Variants in FAM53B observed in about 807,000 individuals in gnomAD.
FAM53B encodes the protein family with sequence similarity 53 member B.
Under a neutral mutation model 32.7 loss-of-function variants are expected in FAM53B, and 12 were observed. That is an observed-to-expected ratio of 0.37 (90% CI 0.24 to 0.59). The LOEUF (loss-of-function observed/expected upper bound fraction) is 0.59, where lower values mean the gene tolerates loss of function less well. Ranked by LOEUF, FAM53B falls within the 20% of genes least tolerant of loss-of-function variation. The probability of loss-of-function intolerance (pLI) is 0.72; values close to 1 mark genes in which losing one functional copy is unlikely to be tolerated. For synonymous variants in FAM53B, 234 were observed against 228.7 expected, an observed-to-expected ratio of 1.02 and a Z score of -0.21; for missense variants, 477 against 577.7, an observed-to-expected ratio of 0.83 and a Z score of 1.79.
At chr10:124,688,376 C>T (rs956889143) in intron 3 of FAM53B, among the ~76,000 whole-genome samples, 3 of 152,202 alleles carry the variant, frequency 2.0e-5, no homozygotes, top group East Asian at 1.9e-4. Flanking sequence ...AGCTTCTCCA[C>T]GTCCCCACTG....
chr10:124,644,738 C>T (rs939630955), intron 4 of FAM53B, among the ~76,000 whole-genome samples: 1 of 152,070 alleles, frequency 6.6e-6, no homozygotes, highest in African/African-American at 2.4e-5. Context: ...CAGATGGGTC[C>T]TGGGGGTGGC....
At chr10:124,688,230 C>T (rs529992091) in intron 3 of FAM53B, among the ~76,000 whole-genome samples, 152 of 152,262 alleles carry the variant, frequency 1.0e-3, no homozygotes, top group African/African-American at 3.3e-3. Flanking sequence ...CGCAGAAGGG[C>T]CCCCCATCCA....
At chr10:124,644,370 G>GC (rs1215605029) in intron 4 of FAM53B, among the ~76,000 whole-genome samples, 1 of 152,212 alleles carries the variant, frequency 6.6e-6, no homozygotes, top group East Asian at 1.9e-4. Flanking sequence ...AAACCTAGGA[G>GC]CTTTGGCTCT....
chr10:124,674,615 C>T (rs533758316), intron 4 of FAM53B, among the ~76,000 whole-genome samples: 1 of 152,312 alleles, frequency 6.6e-6, no homozygotes, highest in Non-Finnish European at 1.5e-5. Flanking sequence ...AGCCTGGGAA[C>T]GACATTAGGG....
intron 2 of FAM53B, among the ~76,000 whole-genome samples, chr10:124,696,834 A>T (rs1028818080): frequency 2.0e-5 from 3 of 152,180 alleles, no homozygotes; most frequent in African/African-American, 7.2e-5. Context: ...CATAACAGCT[A>T]TGGCTTTTGA....
rs1325006804 is a variant in FAM53B at position 124,622,156 on chromosome 10, C to T, written c.*1086G>A. 3 of 152,184 alleles carry T rather than the reference C, an allele frequency of 2.0e-5. No individual in the cohort carries two copies. The highest frequency in any genetic ancestry group is 4.4e-5 in the Non-Finnish European group (3 of 68,048). 9.4% of individuals were successfully genotyped at this position (152,184 alleles called of 1,614,324 possible). The stretch of plus-strand genomic sequence containing the variant: ...CCCCCTAAGCTGACAAGGGCGTGGG[C>T]TTGTCTTGAGGTGGGTGATGTGCCC... On this transcript the variant is annotated 3_prime_UTR_variant, in exon 5 of 5. Transcript: ENST00000337318.
chr10:124,681,456 ATCTT>A (rs1389201838), intron 4 of FAM53B, 147 bp downstream of exon 4: 1 of 695,642 alleles, frequency 1.4e-6, no homozygotes, highest in Non-Finnish European at 2.3e-6. Context: ...ACTGGAAATA[ATCTT>A]TCTTTGAATA....
chr10:124,655,843 C>T, intron 4 of FAM53B, among the ~76,000 whole-genome samples: 1 of 152,208 alleles, frequency 6.6e-6, no homozygotes, highest in East Asian at 1.9e-4. Context: ...ACACAATCTG[C>T]TTTGCTCTTA....
intron 4 of FAM53B, among the ~76,000 whole-genome samples, chr10:124,637,604 T>G (rs1160063585): frequency 6.6e-6 from 1 of 152,088 alleles, no homozygotes; most frequent in Non-Finnish European, 1.5e-5. Flanking sequence ...TCCTCTCAGC[T>G]CAATGTGTCT....
At chr10:124,734,973 T>A (rs898791294) in intron 1 of FAM53B, among the ~76,000 whole-genome samples, 1 of 152,196 alleles carries the variant, frequency 6.6e-6, no homozygotes, top group African/African-American at 2.4e-5. Context: ...GAGCTCTTGC[T>A]CCTGCAGACT....
Position 124,622,265 on chromosome 10 carries a change from C to T in FAM53B, c.*977G>A, listed in dbSNP as rs1311707483. On this transcript the variant is annotated 3_prime_UTR_variant, in exon 5 of 5. Transcript: ENST00000337318. The stretch of plus-strand genomic sequence containing the variant: ...CCCTGCAGAGTGGCCAGCGGACGCC[C>T]TTCACCCCTGAGTGCGCATAGGGCC... 1 of 152,180 alleles carries T rather than the reference C, an allele frequency of 6.6e-6. No homozygotes were observed. The highest frequency in any genetic ancestry group is 2.4e-5 in the African/African-American group (1 of 41,422). The allele number at this position is 152,180 out of a possible 1,614,324, so 9.4% of individuals were successfully genotyped here.
intron 4 of FAM53B, chr10:124,667,529 A>AG: frequency 1.4e-6 from 1 of 702,722 alleles, no homozygotes; most frequent in South Asian, 1.5e-5. Context: ...CTGTGTGGTC[A>AG]GAGGCTGCCC....
intron 1 of FAM53B, among the ~76,000 whole-genome samples, chr10:124,710,094 G>A (rs577765075): frequency 4.6e-5 from 7 of 152,366 alleles, no homozygotes; most frequent in East Asian, 1.9e-4. Context: ...GTATGGGAAC[G>A]GTGAGCGTGC....
chr10:124,669,909 CAT>C (rs1243049127), intron 4 of FAM53B, among the ~76,000 whole-genome samples: 3 of 110,630 alleles, frequency 2.7e-5, no homozygotes, highest in Non-Finnish European at 3.7e-5. Context: ...GGGTAAGGAC[CAT>C]AGGGTGGGTG....
chr10:124,677,195 G>A (rs1423589617), intron 4 of FAM53B, among the ~76,000 whole-genome samples: 1 of 152,232 alleles, frequency 6.6e-6, no homozygotes, highest in Non-Finnish European at 1.5e-5. Flanking sequence ...GGCCGCGTAT[G>A]GCTCAAGTCT....
intron 1 of FAM53B, among the ~76,000 whole-genome samples, chr10:124,727,130 C>T (rs1299629627): frequency 1.3e-5 from 2 of 152,242 alleles, no homozygotes; most frequent in South Asian, 2.1e-4. Context: ...GCGATCCTCC[C>T]GTCTCAGCCT....
At chr10:124,695,552 T>TA (rs1174665351) in intron 3 of FAM53B, among the ~76,000 whole-genome samples, 1 of 152,168 alleles carries the variant, frequency 6.6e-6, no homozygotes, top group Non-Finnish European at 1.5e-5. Flanking sequence ...GGCACTTACC[T>TA]AGCCACTGTT....
Position 124,682,525 on chromosome 10 carries a change from C to T in FAM53B, c.134-146G>A. The T allele has an allele frequency of 1.5e-6, 1 of 682,270 alleles. No individual in the cohort carries two copies. The highest frequency in any genetic ancestry group is 1.8e-5 in the African/African-American group (1 of 55,554). The allele number at this position is 682,270 out of a possible 1,614,324, so 42.3% of individuals were successfully genotyped here. ...AACCATCCAGTCCAACCTCATTTTA[C>T]AGATGAGAAATTGAGGCTGAGAGAG... is the stretch of plus-strand genomic sequence containing the variant. On this transcript the variant is annotated intron_variant, in intron 3 of 4. Transcript: ENST00000337318. This position sits in a 1 kb window ranked among gnomAD's most constrained non-coding sequence, Gnocchi z 5.2.
At chr10:124,711,808 T>C (rs1314578954) in intron 1 of FAM53B, among the ~76,000 whole-genome samples, 1 of 151,940 alleles carries the variant, frequency 6.6e-6, no homozygotes, top group Non-Finnish European at 1.5e-5. Context: ...ATCCCAGCAT[T>C]TGAGAGGTTG....
Sources: allele counts gnomAD v4.1 joint callset (sites outside exome capture counted in the v4.1 genomes callset), GRCh38; gene constraint gnomAD v4.1.1; non-coding constraint Gnocchi (gnomAD v3.1); transcripts MANE v1.5; gene names NCBI Gene and HGNC (gene_info 2026-07-23, HGNC 2026-07-21).